Variants in SORCS2 observed in about 807,000 individuals in gnomAD.
SORCS2 encodes sortilin related VPS10 domain containing receptor 2, also known as VPS10 domain-containing receptor SorCS2.
In SORCS2, 100 loss-of-function variants were observed where a neutral mutation model predicts 141.6. The ratio of observed to expected loss-of-function variants is 0.71; its 90% CI spans 0.60 to 0.83. The LOEUF (loss-of-function observed/expected upper bound fraction) is 0.83, where lower values mean the gene tolerates loss of function less well. Among genes scored for constraint, SORCS2 ranks in the 40% least tolerant of loss-of-function variants. The probability of loss-of-function intolerance (pLI) is 0.00; values close to 1 mark genes in which losing one functional copy is unlikely to be tolerated. For missense variants in SORCS2, 1,646 were observed against 1,560.2 expected, an observed-to-expected ratio of 1.05 and a Z score of -0.93; for synonymous variants, 789 against 676.9, an observed-to-expected ratio of 1.17 and a Z score of -2.57.
intron 1 of SORCS2, among the ~76,000 whole-genome samples, chr4:7,254,742 C>A (rs1560143001): frequency 6.6e-6 from 1 of 152,162 alleles, no homozygotes; most frequent in Non-Finnish European, 1.5e-5. Context: ...GCTGTATGGG[C>A]TTGGGCCGGT....
intron 26 of SORCS2, among the ~76,000 whole-genome samples, chr4:7,737,794 C>T (rs543206731): frequency 6.6e-5 from 10 of 152,306 alleles, no homozygotes; most frequent in East Asian, 1.9e-4. Context: ...TGGGCTCAGC[C>T]GGGCTGCTCG....
At chr4:7,213,711 C>T (rs1393915116) in intron 1 of SORCS2, among the ~76,000 whole-genome samples, 1 of 152,128 alleles carries the variant, frequency 6.6e-6, no homozygotes, top group East Asian at 1.9e-4. Context: ...CAGAGTTCTC[C>T]CCCTGGGAAC....
At position 7,228,115 on chromosome 4, in the gene SORCS2, G is replaced by C. The variant is rs950388646; in HGVS notation, c.480+34989G>C. On this transcript the variant is annotated intron_variant, in intron 1 of 26. Coordinates refer to ENST00000507866, the MANE Select transcript of SORCS2 (RefSeq NM_020777.3). ...TGATTCTTCACAGTCCTGGAGGCTG[G>C]AAGCTAAGACAAGATGTAGGCAGGG... 3.3e-5 allele frequency among the ~76,000 whole-genome samples: 5 copies of C among 152,306 alleles called. No individual in the cohort carries two copies. In the East Asian group the frequency reaches 5.8e-4, roughly 18 times the overall value.
intron 2 of SORCS2, among the ~76,000 whole-genome samples, chr4:7,510,737 C>CG (rs1732588674): frequency 3.6e-5 from 1 of 27,404 alleles, no homozygotes; most frequent in Non-Finnish European, 6.5e-5. Context: ...GGCCTGGGCA[C>CG]GTGCTGTTCG....
At chr4:7,550,132 A>ATGTGTGTGTGTGTG (rs36213889) in intron 3 of SORCS2, among the ~76,000 whole-genome samples, 38 of 142,270 alleles carry the variant, frequency 2.7e-4, no homozygotes, top group African/African-American at 8.8e-4. Context: ...GTATGTGTGT[A>ATGTGTGTGTGTGTG]TGTGTGTGTG....
intron 1 of SORCS2, among the ~76,000 whole-genome samples, chr4:7,358,737 T>C (rs1721411896): frequency 6.6e-6 from 1 of 152,234 alleles, no homozygotes; most frequent in African/African-American, 2.4e-5. Flanking sequence ...TGGAATGTGT[T>C]GAGATTTTCT....
At chr4:7,726,995 T>A in intron 21 of SORCS2, 92 bp downstream of exon 21, 1 of 1,417,508 alleles carries the variant, frequency 7.1e-7, no homozygotes, top group Non-Finnish European at 9.5e-7. Context: ...GCCATGGATG[T>A]CCTGGTCACC....
At chr4:7,465,785 A>G (rs1469268913) in intron 2 of SORCS2, among the ~76,000 whole-genome samples, 1 of 152,254 alleles carries the variant, frequency 6.6e-6, no homozygotes, top group East Asian at 1.9e-4. Context: ...ATAGAACGCA[A>G]GCCCAGACAA....
intron 14 of SORCS2, among the ~76,000 whole-genome samples, chr4:7,710,148 C>G (rs1212610017): frequency 1.3e-5 from 2 of 152,126 alleles, no homozygotes; most frequent in Admixed American, 6.5e-5. Flanking sequence ...AGACTGAGGC[C>G]TCCTGGGGGT....
At chr4:7,583,347 A>G (rs1271630163) in intron 3 of SORCS2, among the ~76,000 whole-genome samples, 2 of 151,478 alleles carry the variant, frequency 1.3e-5, no homozygotes, top group African/African-American at 4.9e-5. Context: ...ATGTATTCCA[A>G]CCCCCCTACA....
intron 3 of SORCS2, among the ~76,000 whole-genome samples, chr4:7,560,340 C>T (rs1714446986): frequency 1.3e-5 from 2 of 152,086 alleles, no homozygotes; most frequent in South Asian, 4.1e-4. Context: ...GGATTTTCAC[C>T]TGGAAGGTCA....
chr4:7,618,518 G>T (rs943818263), intron 3 of SORCS2, among the ~76,000 whole-genome samples: 1 of 152,086 alleles, frequency 6.6e-6, no homozygotes, highest in African/African-American at 2.4e-5. Flanking sequence ...CCCGCACTCT[G>T]CCTGCCTCTC....
At chr4:7,253,047 T>A (rs1045452628) in intron 1 of SORCS2, among the ~76,000 whole-genome samples, 2 of 152,194 alleles carry the variant, frequency 1.3e-5, no homozygotes. Context: ...AGCCCCTGAA[T>A]CCCCCAGCTG....
rs114703040 is a variant in SORCS2 at position 7,407,092 on chromosome 4, G to A, written c.548+10737G>A. Among the ~76,000 whole-genome samples, 590 of 152,140 alleles carry A rather than the reference G, an allele frequency of 3.9e-3. 3 individuals are homozygous for A. Among genetic ancestry groups the A allele is most frequent in the Non-Finnish European group, 7.1e-3 (485 of 67,932 alleles). On this transcript the variant is annotated intron_variant, in intron 2 of 26. Transcript: ENST00000507866. ...TTAAAAATTTGTTCAGACCTGTTTCGTGGCCTAAGATATGGTCTATTCTGG... is the reference window on the plus strand; with the variant it reads ...TTAAAAATTTGTTCAGACCTGTTTCATGGCCTAAGATATGGTCTATTCTGG...
chr4:7,358,291 T>C (rs922431662), intron 1 of SORCS2, among the ~76,000 whole-genome samples: 2 of 152,250 alleles, frequency 1.3e-5, no homozygotes, highest in East Asian at 3.8e-4. Context: ...GCTTACATGA[T>C]CACCGATTCT....
intron 1 of SORCS2, among the ~76,000 whole-genome samples, chr4:7,386,024 C>T (rs569751411): frequency 7.2e-5 from 11 of 152,214 alleles, no homozygotes; most frequent in Non-Finnish European, 1.5e-4. Context: ...GGTACATCCA[C>T]TTTGCCAAGT....
In SORCS2 at chr4:7,691,128, C is replaced by T. The variant is rs1724219153; in HGVS notation, c.1591+1540C>T. Among the ~76,000 whole-genome samples, 6 of 152,216 alleles carry T rather than the reference C, an allele frequency of 3.9e-5. No individual in the cohort carries two copies. In the South Asian group the frequency reaches 1.0e-3, roughly 26 times the overall value. ...TTCCTGAACCCAGGACCCCTTCCCT[C>T]CATTTCCCCCAGCACCATCTGCCAC... On this transcript the variant is annotated intron_variant, in intron 11 of 26. Transcript: ENST00000507866.
chr4:7,692,270 T>A (rs1314092681), intron 11 of SORCS2, among the ~76,000 whole-genome samples: 3 of 152,150 alleles, frequency 2.0e-5, no homozygotes, highest in African/African-American at 7.2e-5. Flanking sequence ...TGGCTGGGGA[T>A]GATGGCTACC....
At chr4:7,556,130 G>C (rs998289821) in intron 3 of SORCS2, among the ~76,000 whole-genome samples, 1 of 152,214 alleles carries the variant, frequency 6.6e-6, no homozygotes, top group Non-Finnish European at 1.5e-5. Flanking sequence ...CTGGATAGGA[G>C]GGGACCCACT....
Sources: allele counts gnomAD v4.1 joint callset (sites outside exome capture counted in the v4.1 genomes callset), GRCh38; gene constraint gnomAD v4.1.1; transcripts MANE v1.5; gene names NCBI Gene and HGNC (gene_info 2026-07-23, HGNC 2026-07-21).